CFAP47: variants seen among roughly 807,000 people sequenced by gnomAD.
CFAP47 encodes cilia- and flagella-associated protein 47.
In CFAP47, 29 loss-of-function variants were observed where a neutral mutation model predicts 148.1. The ratio of observed to expected loss-of-function variants is 0.20; its 90% CI spans 0.15 to 0.27. CFAP47 has a LOEUF of 0.27. Ranked by LOEUF, CFAP47 falls within the 10% of genes least tolerant of loss-of-function variation. The pLI is 1.00. For missense variants in CFAP47, 1,872 were observed against 1,697.5 expected (o/e 1.10, Z -1.81); for synonymous variants, 664 against 577.3 (o/e 1.15, Z -2.15).
At chrX:36,279,648 A>C (rs1228270417) in intron 49 of CFAP47, among the ~76,000 whole-genome samples, 1 of 112,087 alleles carries the variant, frequency 8.9e-6, no homozygotes, top group Non-Finnish European at 1.9e-5. Flanking sequence ...TATATAGGTC[A>C]ACTTTAGTAT....
chrX:36,216,916 C>CAGCCTCCGGCTGCGTGACTCT (rs1940164360), intron 45 of CFAP47, among the ~76,000 whole-genome samples: 1 of 71,818 alleles, frequency 1.4e-5, no homozygotes, highest in South Asian at 5.6e-4. Context: ...GTTCAGACTC[C>CAGCCTCCGGCTGCGTGACTCT]TAAGCCATAA....
chrX:36,256,620 C>T (rs1940756132), intron 49 of CFAP47, among the ~76,000 whole-genome samples: 1 of 111,472 alleles, frequency 9.0e-6, no homozygotes, highest in Non-Finnish European at 1.9e-5. Context: ...GGTTAAACTA[C>T]AACTTTAAAA....
chrX:36,357,557 T>G (rs1941795044), intron 60 of CFAP47, among the ~76,000 whole-genome samples: 1 of 112,280 alleles, frequency 8.9e-6, no homozygotes, highest in South Asian at 3.7e-4. Flanking sequence ...CATACTCTGT[T>G]GTTAAGGTTT....
intron 1 of CFAP47, 26 bp from the exon 2 acceptor site, chrX:35,925,991 A>T: frequency 8.6e-7 from 1 of 1,167,778 alleles, no homozygotes; most frequent in South Asian, 1.9e-5. Flanking sequence ...AAAATGTATA[A>T]TTTGACTCTC....
Position 36,228,882 on chromosome X carries a change from AG to A in CFAP47, c.7014+59del, listed in dbSNP as rs1438209010. The A allele has an allele frequency of 1.4e-5, 7 of 487,280 alleles. No homozygotes were observed. The Admixed American group carries it at 2.1e-4, about 15-fold the overall frequency. 40.2% of individuals were successfully genotyped at this position (487,280 alleles called of 1,213,427 possible). A position where few individuals can be genotyped will look rare whatever the true frequency, so the allele number is the denominator to read the frequency against. On this transcript the variant is annotated intron_variant, in intron 46 of 63. Coordinates refer to ENST00000378653, the MANE Select transcript of CFAP47 (RefSeq NM_001304548.2). ...TTCATATTGCCACTGTGTCAATTAA[AG>A]TCCTCCAGACCTCTCATCTTGGACT...
At chrX:36,384,730 AC>A (rs1942111370) in intron 63 of CFAP47, 66 bp from the exon 64 acceptor site, 8 of 801,574 alleles carry the variant, frequency 1.0e-5, no homozygotes, top group Admixed American at 8.2e-5. Flanking sequence ...ATTATAGTGA[AC>A]TTTTCCCTAC....
At position 35,987,282 on chromosome X, in the gene CFAP47, T is replaced by C. The variant is rs774765221; in HGVS notation, c.2714-2037T>C. On this transcript the variant is annotated intron_variant, in intron 15 of 63. Coordinates refer to ENST00000378653, the MANE Select transcript of CFAP47 (RefSeq NM_001304548.2). ...ATAAGCCCCTGACTGGGGCTGCTGC[T>C]GCATTTCCTTCAGAGATGCTCGGCC... Among the ~76,000 whole-genome samples, 16 of 111,824 alleles carry C rather than the reference T, an allele frequency of 1.4e-4. No individual in the cohort carries two copies. In the East Asian group the frequency reaches 3.1e-3, roughly 22 times the overall value.
At chrX:35,924,483 G>C (rs1379194837) in intron 1 of CFAP47, among the ~76,000 whole-genome samples, 1 of 104,957 alleles carries the variant, frequency 9.5e-6, no homozygotes, top group Non-Finnish European at 2.0e-5. Flanking sequence ...GTGTATATAT[G>C]TGCACCTATA....
At chrX:36,177,547 G>A (rs758193461) in intron 39 of CFAP47, among the ~76,000 whole-genome samples, 2 of 112,052 alleles carry the variant, frequency 1.8e-5, no homozygotes, top group Non-Finnish European at 3.8e-5. Flanking sequence ...TTGCCTAATT[G>A]TGACTTAATA....
chrX:35,925,960 A>T, intron 1 of CFAP47, 57 bp from the exon 2 acceptor site: 2 of 908,842 alleles, frequency 2.2e-6, no homozygotes, highest in Non-Finnish European at 3.0e-6. Flanking sequence ...CAGCCATGGT[A>T]TTTTTTTTTT....
intron 30 of CFAP47, among the ~76,000 whole-genome samples, chrX:36,086,719 G>A (rs981869519): frequency 9.0e-6 from 1 of 111,512 alleles, no homozygotes; most frequent in Non-Finnish European, 1.9e-5. Flanking sequence ...AGACTGGCTT[G>A]GTTCCTTGTG....
chrX:36,325,836 A>G (rs1941513655), intron 57 of CFAP47, among the ~76,000 whole-genome samples: 1 of 111,437 alleles, frequency 9.0e-6, no homozygotes, highest in African/African-American at 3.3e-5. Context: ...TAGGTACTAT[A>G]TACTGGCAAT....
intron 35 of CFAP47, chrX:36,144,946 T>G (rs1416777209): frequency 7.8e-6 from 6 of 768,705 alleles, no homozygotes; most frequent in Non-Finnish European, 8.7e-6. Flanking sequence ...TGAGCCATGC[T>G]TCTGGCTTCC....
intron 26 of CFAP47, among the ~76,000 whole-genome samples, chrX:36,055,570 G>A (rs1242859345): frequency 8.9e-6 from 1 of 111,766 alleles, no homozygotes; most frequent in South Asian, 3.8e-4. Flanking sequence ...CCAGTCTATC[G>A]TTGATGGGCA....
intron 1 of CFAP47, 77 bp from the exon 2 acceptor site, chrX:35,925,940 C>T: frequency 4.6e-6 from 4 of 865,834 alleles, no homozygotes; most frequent in East Asian, 3.3e-5. Flanking sequence ...CAGGCGTGAG[C>T]CATTGTGCCC....
chrX:35,922,041 C>T (rs28394066), intron 1 of CFAP47, among the ~76,000 whole-genome samples: 6 of 111,115 alleles, frequency 5.4e-5, no homozygotes, highest in Non-Finnish European at 9.4e-5. Context: ...TCAATAACAT[C>T]CTTCAATCTC....
chrX:36,144,331 A>G (rs1383567679), intron 35 of CFAP47, among the ~76,000 whole-genome samples: 2 of 111,751 alleles, frequency 1.8e-5, no homozygotes, highest in Non-Finnish European at 3.8e-5. Context: ...TTATTTTTTA[A>G]CACTTAGGTC....
In CFAP47 at chrX:36,371,741, T is replaced by C. The variant is rs782485786; in HGVS notation, c.9185+4614T>C. 5.9e-3 allele frequency among the ~76,000 whole-genome samples: 318 copies of C among 53,606 alleles called. 19 individuals carry two copies. The highest frequency in any genetic ancestry group is 0.033 in the African/African-American group (262 of 7,952). 46.6% of individuals were successfully genotyped at this position (53,606 alleles called of 115,157 possible). On this transcript the variant is annotated intron_variant, in intron 62 of 63. Transcript: ENST00000378653. ...GTATATACACACATGTGTGTATATA[T>C]GTGTGTATATACACACATGTGTGTA... is the stretch of plus-strand genomic sequence containing the variant.
chrX:36,076,439 G>A (rs1489680337), intron 29 of CFAP47, among the ~76,000 whole-genome samples: 3 of 105,008 alleles, frequency 2.9e-5, no homozygotes, highest in Non-Finnish European at 5.8e-5. Context: ...TCTGACTGGT[G>A]TGAGATGGTA....
Sources: allele counts gnomAD v4.1 joint callset (sites outside exome capture counted in the v4.1 genomes callset), GRCh38; gene constraint gnomAD v4.1.1; transcripts MANE v1.5; gene names NCBI Gene and HGNC (gene_info 2026-07-23, HGNC 2026-07-21).